Variants in PRKG1 observed in about 807,000 individuals in gnomAD.
PRKG1 encodes the protein cGMP-dependent protein kinase 1.
A neutral mutation model predicts 88.1 loss-of-function variants in PRKG1; 35 were observed. The ratio of observed to expected loss-of-function variants is 0.40; its 90% CI spans 0.30 to 0.53. The LOEUF (loss-of-function observed/expected upper bound fraction) is 0.53. PRKG1 is among the 20% of genes least tolerant of loss of function. The pLI is 0.59. For synonymous variants in PRKG1, 303 were observed against 292.5 expected, an observed-to-expected ratio of 1.04 and a Z score of -0.37; for missense variants, 540 against 839.8, an observed-to-expected ratio of 0.64 and a Z score of 4.41.
At chr10:51,545,742 A>G (rs1354441567) in intron 3 of PRKG1, among the ~76,000 whole-genome samples, 2 of 152,122 alleles carry the variant, frequency 1.3e-5, no homozygotes, top group Non-Finnish European at 2.9e-5. Context: ...GCTAGCTTTT[A>G]CTGTATTCTT....
At chr10:51,285,855 C>G (rs767660616) in intron 2 of PRKG1, among the ~76,000 whole-genome samples, 4 of 152,288 alleles carry the variant, frequency 2.6e-5, no homozygotes, top group Middle Eastern at 3.4e-3. Context: ...GAAACAGGCA[C>G]AGCAAATGAA....
At chr10:51,003,200 A>ACAG (rs1457519121) in intron 1 of PRKG1, among the ~76,000 whole-genome samples, 21 of 76,396 alleles carry the variant, frequency 2.7e-4, no homozygotes, top group African/African-American at 1.0e-3. Context: ...AACAACAACA[A>ACAG]CAACAACAAC....
chr10:51,022,510 C>T (rs1843152238), intron 1 of PRKG1, among the ~76,000 whole-genome samples: 1 of 152,118 alleles, frequency 6.6e-6, no homozygotes, highest in Admixed American at 6.5e-5. Context: ...TCTCCACTTC[C>T]TCTTGGACAC....
rs188237541 is a variant in PRKG1 at position 51,780,093 on chromosome 10, G to A, written c.593-24492G>A. On this transcript the variant is annotated intron_variant, in intron 3 of 17. Coordinates refer to ENST00000373980, the MANE Select transcript of PRKG1 (RefSeq NM_006258.4). Reference sequence around the variant, plus strand: ...AATCTGTTCTTTTAGTTACAAAGGAGTAGAAAAACTTACCGCGTAATCTGA... The same window carrying A: ...AATCTGTTCTTTTAGTTACAAAGGAATAGAAAAACTTACCGCGTAATCTGA... Among the ~76,000 whole-genome samples the A allele has an allele frequency of 2.6e-3, 392 of 152,208 alleles. 2 individuals carry two copies. The highest frequency in any genetic ancestry group is 4.3e-3 in the Non-Finnish European group (293 of 67,996).
chr10:51,981,120 A>C (rs942425521), intron 5 of PRKG1, among the ~76,000 whole-genome samples: 7 of 152,278 alleles, frequency 4.6e-5, no homozygotes, highest in Admixed American at 1.3e-4. Flanking sequence ...TTTAGTGGCC[A>C]GTAATGGTCT....
At chr10:51,276,750 G>A (rs1398286112) in intron 2 of PRKG1, among the ~76,000 whole-genome samples, 2 of 152,322 alleles carry the variant, frequency 1.3e-5, no homozygotes, top group Admixed American at 1.3e-4. Flanking sequence ...TCTGTCGACT[G>A]CATAAATGTC....
Position 51,140,367 on chromosome 10 carries a change from A to T in PRKG1, c.312-12797A>T, listed in dbSNP as rs111445534. On this transcript the variant is annotated intron_variant, in intron 1 of 17. Coordinates refer to ENST00000373980, the MANE Select transcript of PRKG1 (RefSeq NM_006258.4). ...TACCCCTAATCCCTAGCACAATGTC[A>T]TATATGAGGTACTCAAAAAATGCTT... Among the ~76,000 whole-genome samples, 338 of 152,334 alleles carry T rather than the reference A, an allele frequency of 2.2e-3. 2 individuals carry two copies. Among genetic ancestry groups the T allele is most frequent in the African/African-American group, 7.9e-3 (327 of 41,564 alleles).
At chr10:51,085,107 T>G (rs1464419714) in intron 1 of PRKG1, among the ~76,000 whole-genome samples, 1 of 152,186 alleles carries the variant, frequency 6.6e-6, no homozygotes, top group East Asian at 1.9e-4. Context: ...TTTGCTCCTC[T>G]GGAGTAATTG....
chr10:51,102,292 A>G (rs1437444346), intron 1 of PRKG1, among the ~76,000 whole-genome samples: 3 of 152,202 alleles, frequency 2.0e-5, no homozygotes, highest in African/African-American at 7.2e-5. Flanking sequence ...AACAATCAGC[A>G]TGACAACTTC....
At position 51,534,379 on chromosome 10, in the gene PRKG1, C is replaced by T. The variant is rs569426058; in HGVS notation, c.592+66543C>T. 7.2e-5 allele frequency among the ~76,000 whole-genome samples: 11 copies of T among 151,870 alleles called. No individual in the cohort carries two copies. In the East Asian group the frequency reaches 1.6e-3, roughly 21 times the overall value. On this transcript the variant is annotated intron_variant, in intron 3 of 17. Coordinates refer to ENST00000373980, the MANE Select transcript of PRKG1 (RefSeq NM_006258.4). Reference sequence around the variant, plus strand: ...ACAAGGAGAAAATGAAAATGAAAGGCGGCTCTGGGCTGGGCGCGGTGGCTC... The same window carrying T: ...ACAAGGAGAAAATGAAAATGAAAGGTGGCTCTGGGCTGGGCGCGGTGGCTC...
chr10:51,135,066 T>A (rs191754512), intron 1 of PRKG1, among the ~76,000 whole-genome samples: 1 of 152,288 alleles, frequency 6.6e-6, no homozygotes, highest in African/African-American at 2.4e-5. Flanking sequence ...TGAGGGAATA[T>A]ATTGAACAAA....
At chr10:50,993,033 A>G (rs1295591382) in intron 1 of PRKG1, among the ~76,000 whole-genome samples, 2 of 151,746 alleles carry the variant, frequency 1.3e-5, no homozygotes, top group Admixed American at 6.6e-5. Flanking sequence ...TGTCCTTTCC[A>G]CTGTCCCCAT....
At chr10:51,257,828 CA>C (rs1488998243) in intron 2 of PRKG1, among the ~76,000 whole-genome samples, 1 of 152,138 alleles carries the variant, frequency 6.6e-6, no homozygotes, top group East Asian at 1.9e-4. Context: ...GGGCAGTGAG[CA>C]TAGTGCTCAC....
chr10:51,587,525 C>A (rs1480802457), intron 3 of PRKG1, among the ~76,000 whole-genome samples: 1 of 152,140 alleles, frequency 6.6e-6, no homozygotes, highest in African/African-American at 2.4e-5. Flanking sequence ...AAAGCAGTTT[C>A]CTCTGCTATT....
intron 3 of PRKG1, among the ~76,000 whole-genome samples, chr10:51,687,823 C>T (rs895663873): frequency 3.5e-4 from 53 of 152,244 alleles, no homozygotes; most frequent in African/African-American, 1.2e-3. Context: ...AAGGGTTACA[C>T]ATATGGACAA....
chr10:51,793,138 C>CAAAAA (rs775904836), intron 3 of PRKG1, among the ~76,000 whole-genome samples: 12 of 69,682 alleles, frequency 1.7e-4, no homozygotes, highest in Non-Finnish European at 2.1e-4. Context: ...CAGCACACTG[C>CAAAAA]AAAAAAAAAA....
At chr10:51,325,989 T>G (rs1841583934) in intron 2 of PRKG1, among the ~76,000 whole-genome samples, 1 of 152,220 alleles carries the variant, frequency 6.6e-6, no homozygotes, top group Non-Finnish European at 1.5e-5. Context: ...GAGTACTGAC[T>G]TTGATGAGGT....
intron 5 of PRKG1, among the ~76,000 whole-genome samples, chr10:51,930,941 A>C (rs1842681205): frequency 6.6e-6 from 1 of 152,196 alleles, no homozygotes; most frequent in Non-Finnish European, 1.5e-5. Context: ...TTAGGTTTCT[A>C]GACTCTGTAA....
In PRKG1 at chr10:52,244,694, TATTAATA is replaced by T. The variant is rs529689371; in HGVS notation, c.1077-6867_1077-6861del. On this transcript the variant is annotated intron_variant, in intron 9 of 17. Coordinates refer to ENST00000373980, the MANE Select transcript of PRKG1 (RefSeq NM_006258.4). ...ATTTATTATTATATATTAAATAATA[TATTAATA>T]ATTAATAAATAATACTTTAAAAATA... 5.4e-3 allele frequency among the ~76,000 whole-genome samples: 701 copies of T among 130,148 alleles called. 9 individuals carry two copies. The highest frequency in any genetic ancestry group is 0.021 in the African/African-American group (666 of 32,146). The allele number at this position is 130,148 out of a possible 152,430, so 85.4% of individuals were successfully genotyped here.
Sources: gnomAD v4.1 joint callset for allele counts (sites outside exome capture counted in the v4.1 genomes callset) on GRCh38, gnomAD v4.1.1 for gene constraint, MANE v1.5 for transcripts, NCBI Gene and HGNC (gene_info 2026-07-23, HGNC 2026-07-21) for gene names.